The following CLNK variants were observed in gnomAD, a reference collection of about 807,000 sequenced individuals.
The protein encoded by CLNK is cytokine-dependent hematopoietic cell linker.
Under a neutral mutation model 68.6 loss-of-function variants are expected in CLNK, and 74 were observed. That is an observed-to-expected ratio of 1.08 (90% CI 0.89 to 1.31). The LOEUF is 1.31. CLNK is among the 50% of genes most tolerant of loss of function. CLNK has a pLI of 0.00. For missense variants in CLNK, 553 were observed against 515.3 expected, an observed-to-expected ratio of 1.07 and a Z score of -0.71; for synonymous variants, 198 against 172.2, an observed-to-expected ratio of 1.15 and a Z score of -1.17.
the CLNK span, among the ~76,000 whole-genome samples, chr4:10,730,826 A>G: frequency 2.0e-5 from 3 of 152,142 alleles, no homozygotes; most frequent in Non-Finnish European, 4.4e-5. Context: ...CATCACATGC[A>G]TACTGTATCT....
intron 2 of CLNK, chr4:10,598,635 T>C (rs776765192): frequency 1.4e-5 from 6 of 436,138 alleles, no homozygotes; most frequent in South Asian, 9.9e-5. Flanking sequence ...GCACTTTCTA[T>C]GAAGAGATTA....
intron 3 of CLNK, among the ~76,000 whole-genome samples, chr4:10,593,670 A>T (rs1292562017): frequency 6.6e-6 from 1 of 152,018 alleles, no homozygotes; most frequent in African/African-American, 2.4e-5. Context: ...AAACAAAACA[A>T]AACAACCCAG....
the CLNK span, among the ~76,000 whole-genome samples, chr4:10,698,425 T>C: frequency 2.6e-5 from 4 of 152,156 alleles, no homozygotes; most frequent in African/African-American, 9.7e-5. Flanking sequence ...GCTAAGTGAG[T>C]ACATAAATAA....
intron 7 of CLNK, among the ~76,000 whole-genome samples, chr4:10,561,072 TA>T (rs1050199550): frequency 5.3e-5 from 8 of 151,916 alleles, no homozygotes; most frequent in African/African-American, 1.2e-4. Context: ...ATTTTTTTTT[TA>T]ATTTTTTTTT....
chr4:10,525,424 G>A (rs1560201290), intron 14 of CLNK, among the ~76,000 whole-genome samples: 2 of 152,188 alleles, frequency 1.3e-5, no homozygotes, highest in African/African-American at 2.4e-5. Context: ...AGCGGAGCAG[G>A]CAGGTATCTA....
At chr4:10,705,440 G>A in the CLNK span, among the ~76,000 whole-genome samples, 3 of 152,260 alleles carry the variant, frequency 2.0e-5, no homozygotes, top group Admixed American at 1.3e-4. Context: ...GTCTCACTGG[G>A]CTAAAACCCA....
At chr4:10,531,050 C>T (rs1297942692) in intron 12 of CLNK, among the ~76,000 whole-genome samples, 3 of 152,190 alleles carry the variant, frequency 2.0e-5, no homozygotes, top group Non-Finnish European at 4.4e-5. Flanking sequence ...TTGATTTTAA[C>T]ATTCTCATAA....
chr4:10,682,934 T>A (rs1560278276), intron 1 of CLNK, among the ~76,000 whole-genome samples: 1 of 152,202 alleles, frequency 6.6e-6, no homozygotes, highest in Non-Finnish European at 1.5e-5. Flanking sequence ...AATTCTATGT[T>A]GATTGTGGTC....
At chr4:10,492,626 A>G (rs1277024750) in intron 18 of CLNK, among the ~76,000 whole-genome samples, 3 of 152,172 alleles carry the variant, frequency 2.0e-5, no homozygotes, top group Non-Finnish European at 4.4e-5. Context: ...CTTTTCTGTT[A>G]GAGGCGCACT....
intron 8 of CLNK, among the ~76,000 whole-genome samples, chr4:10,549,696 G>A (rs1032413559): frequency 4.6e-5 from 7 of 152,162 alleles, no homozygotes; most frequent in African/African-American, 1.7e-4. Flanking sequence ...AAATTAGAGG[G>A]AAAACGGGAA....
chr4:10,689,901 T>C, the CLNK span, among the ~76,000 whole-genome samples: 2 of 151,998 alleles, frequency 1.3e-5, no homozygotes, highest in African/African-American at 2.4e-5. Flanking sequence ...CTAATTGCTG[T>C]TCCCTCTCAT....
At chr4:10,616,810 A>G (rs1722251148) in intron 2 of CLNK, among the ~76,000 whole-genome samples, 2 of 72,154 alleles carry the variant, frequency 2.8e-5, no homozygotes, top group Non-Finnish European at 5.5e-5. Context: ...ATATATATAT[A>G]TATATATATA....
At chr4:10,602,405 T>A (rs1467338205) in intron 2 of CLNK, among the ~76,000 whole-genome samples, 1 of 152,176 alleles carries the variant, frequency 6.6e-6, no homozygotes, top group Non-Finnish European at 1.5e-5. Context: ...GATCAGATGA[T>A]CTTGGGTTAA....
intron 2 of CLNK, among the ~76,000 whole-genome samples, chr4:10,645,057 T>G (rs1404971133): frequency 1.3e-5 from 2 of 152,172 alleles, no homozygotes; most frequent in Non-Finnish European, 2.9e-5. Context: ...TGAAATACAT[T>G]TATGGGTTGA....
At chr4:10,521,926 T>C (rs1447495629) in intron 14 of CLNK, among the ~76,000 whole-genome samples, 1 of 152,106 alleles carries the variant, frequency 6.6e-6, no homozygotes, top group East Asian at 1.9e-4. Context: ...ACATAGTTGA[T>C]ATGAATATAA....
At chr4:10,500,418 C>G (rs951795124) in intron 18 of CLNK, among the ~76,000 whole-genome samples, 2 of 152,206 alleles carry the variant, frequency 1.3e-5, no homozygotes, top group Admixed American at 6.5e-5. Flanking sequence ...CAGTGGCTCA[C>G]GCCTGTAATC....
chr4:10,553,660 G>A (rs4698067), intron 8 of CLNK, among the ~76,000 whole-genome samples: 52,932 of 151,960 alleles, frequency 0.35, 9,489 homozygotes, highest in South Asian at 0.44. Context: ...CACCACGTTG[G>A]CCGGGCTGGT....
At chr4:10,501,232 G>A in intron 18 of CLNK, 24 bp downstream of exon 18, 2 of 1,538,794 alleles carry the variant, frequency 1.3e-6, no homozygotes, top group Admixed American at 2.3e-5. Flanking sequence ...GCCTGGAACA[G>A]GGAGGCTGTT....
At chr4:10,520,409 G>A (rs1718009233) in intron 15 of CLNK, among the ~76,000 whole-genome samples, 1 of 152,176 alleles carries the variant, frequency 6.6e-6, no homozygotes, top group African/African-American at 2.4e-5. Context: ...GGGAACAATG[G>A]GGACTCACAC....
Sources: gnomAD v4.1 joint callset for allele counts (sites outside exome capture counted in the v4.1 genomes callset) on GRCh38, gnomAD v4.1.1 for gene constraint, MANE v1.5 for transcripts, NCBI Gene and HGNC (gene_info 2026-07-23, HGNC 2026-07-21) for gene names.